The following TBXAS1 variants were observed in gnomAD, a reference collection of about 807,000 sequenced individuals.
TBXAS1 encodes thromboxane-A synthase.
In TBXAS1, 48 loss-of-function variants were observed where a neutral mutation model predicts 60.7. The observed-to-expected ratio is 0.79, with a 90% CI of 0.63 to 1.01. TBXAS1 has a LOEUF of 1.01. TBXAS1 is among the 50% of genes least tolerant of loss of function. The probability of loss-of-function intolerance (pLI) is 0.00; values close to 1 mark genes in which losing one functional copy is unlikely to be tolerated. For synonymous variants in TBXAS1, 287 were observed against 269.7 expected (o/e 1.06, Z -0.63); for missense variants, 685 against 686.3 (o/e 1.00, Z 0.02).
At chr7:139,987,920 C>G (rs891213305) in intron 9 of TBXAS1, among the ~76,000 whole-genome samples, 4 of 152,210 alleles carry the variant, frequency 2.6e-5, no homozygotes, top group Admixed American at 6.5e-5. Context: ...ATGCAGATCA[C>G]CAGTTCCACA....
At chr7:139,958,674 C>T (rs1810073084) in intron 8 of TBXAS1, among the ~76,000 whole-genome samples, 2 of 152,208 alleles carry the variant, frequency 1.3e-5, no homozygotes, top group South Asian at 4.1e-4. Flanking sequence ...ATACACCGAG[C>T]GGCCTTGGGC....
intron 12 of TBXAS1, among the ~76,000 whole-genome samples, chr7:140,018,965 C>T (rs1815317952): frequency 6.6e-6 from 1 of 152,204 alleles, no homozygotes. Context: ...CTCTGCACAG[C>T]GTTAGCTATT....
At chr7:139,967,475 G>T (rs1197622206) in intron 9 of TBXAS1, among the ~76,000 whole-genome samples, 1 of 152,198 alleles carries the variant, frequency 6.6e-6, no homozygotes, top group Non-Finnish European at 1.5e-5. Context: ...TGAGGATGGG[G>T]GTAGGAGAGA....
intron 3 of TBXAS1, among the ~76,000 whole-genome samples, chr7:139,907,894 T>C (rs946025520): frequency 1.3e-5 from 2 of 152,132 alleles, no homozygotes; most frequent in Admixed American, 6.5e-5. Flanking sequence ...TAATAGTTTG[T>C]AATTTTCATA....
chr7:139,949,118 C>T (rs908073124), intron 5 of TBXAS1, among the ~76,000 whole-genome samples: 4 of 152,128 alleles, frequency 2.6e-5, no homozygotes, highest in African/African-American at 9.7e-5. Flanking sequence ...GTAGAAGACC[C>T]GATGGTGGGC....
At chr7:139,928,987 G>T (rs1013800894) in intron 4 of TBXAS1, among the ~76,000 whole-genome samples, 1 of 152,194 alleles carries the variant, frequency 6.6e-6, no homozygotes, top group Non-Finnish European at 1.5e-5. Flanking sequence ...GAGAAAGGGG[G>T]TTGGAGAGGG....
chr7:139,956,924 T>C (rs1447124263), intron 7 of TBXAS1, among the ~76,000 whole-genome samples: 1 of 152,280 alleles, frequency 6.6e-6, no homozygotes, highest in African/African-American at 2.4e-5. Flanking sequence ...CATGTGTGTC[T>C]GGAGATGTTC....
intron 3 of TBXAS1, among the ~76,000 whole-genome samples, chr7:139,784,408 GA>G (rs1797117617): frequency 6.6e-6 from 1 of 152,082 alleles, no homozygotes; most frequent in Non-Finnish European, 1.5e-5. Context: ...CAAGTTCAAA[GA>G]AAAACCACCA....
intron 5 of TBXAS1, among the ~76,000 whole-genome samples, chr7:139,942,191 G>T (rs1476599941): frequency 1.3e-5 from 2 of 152,196 alleles, no homozygotes; most frequent in Non-Finnish European, 2.9e-5. Flanking sequence ...CAGGGAAAAG[G>T]ATTTGAAATA....
intron 4 of TBXAS1, among the ~76,000 whole-genome samples, chr7:139,931,333 G>A (rs1248394609): frequency 1.3e-5 from 2 of 152,176 alleles, no homozygotes; most frequent in Non-Finnish European, 2.9e-5. Context: ...TAGGCTGACA[G>A]ACAGGAGCCT....
chr7:140,007,317 T>C (rs1585046721), intron 10 of TBXAS1, 135 bp downstream of exon 10: 2 of 779,592 alleles, frequency 2.6e-6, no homozygotes, highest in East Asian at 5.3e-5. Flanking sequence ...CCTGGGTTCC[T>C]TTGTATCCCC....
upstream of TBXAS1, among the ~76,000 whole-genome samples, chr7:139,828,812 A>C (rs1247431438): frequency 2.0e-5 from 3 of 152,236 alleles, no homozygotes; most frequent in African/African-American, 7.2e-5. Context: ...CCTCAGACCC[A>C]GCAACTAATG....
rs140070292 is a variant in TBXAS1 at position 139,919,071 on chromosome 7, T to C, written c.333+7750T>C. 3.8e-3 allele frequency among the ~76,000 whole-genome samples: 579 copies of C among 152,312 alleles called. 4 individuals carry two copies. The highest frequency in any genetic ancestry group is 0.013 in the African/African-American group (547 of 41,548). The stretch of plus-strand genomic sequence containing the variant: ...AAGCCCTATTTGGTTCAAATCTTTG[T>C]ACAGCCAGATAGCAATAGATATAAA... On this transcript the variant is annotated intron_variant, in intron 4 of 12. Coordinates refer to ENST00000448866, the MANE Select transcript of TBXAS1 (RefSeq NM_001061.7).
intron 9 of TBXAS1, among the ~76,000 whole-genome samples, chr7:139,979,120 C>G (rs993758087): frequency 1.3e-5 from 2 of 152,104 alleles, no homozygotes; most frequent in Non-Finnish European, 2.9e-5. Flanking sequence ...GTTCCAGGAG[C>G]AGGTGCTTAT....
intron 4 of TBXAS1, among the ~76,000 whole-genome samples, chr7:139,928,515 T>C (rs1490194046): frequency 6.6e-6 from 1 of 152,248 alleles, no homozygotes; most frequent in Non-Finnish European, 1.5e-5. Flanking sequence ...CGTGACTCTG[T>C]GCACATTAAC....
intron 1 of TBXAS1, among the ~76,000 whole-genome samples, chr7:139,861,430 T>C (rs1244552144): frequency 6.6e-6 from 1 of 151,208 alleles, no homozygotes; most frequent in Non-Finnish European, 1.5e-5. Context: ...TTTTTTTTTT[T>C]TTTTTTTGGA....
intron 1 of TBXAS1, among the ~76,000 whole-genome samples, chr7:139,859,959 T>C (rs887632709): frequency 1.3e-5 from 2 of 152,062 alleles, no homozygotes; most frequent in African/African-American, 4.8e-5. Flanking sequence ...GCCAACATGG[T>C]AAAACCCTAC....
At chr7:139,845,139 T>A (rs1799713283) in intron 1 of TBXAS1, among the ~76,000 whole-genome samples, 1 of 152,186 alleles carries the variant, frequency 6.6e-6, no homozygotes, top group Admixed American at 6.5e-5. Flanking sequence ...ACTCCTTGGC[T>A]GGAAATAGCC....
intron 11 of TBXAS1, chr7:140,016,339 ATAAAT>A (rs972149513): frequency 3.1e-5 from 7 of 222,620 alleles, no homozygotes; most frequent in Non-Finnish European, 5.3e-5. Context: ...AAAAAAATAA[ATAAAT>A]TAAATAAAAA....
Sources: allele counts gnomAD v4.1 joint callset (sites outside exome capture counted in the v4.1 genomes callset), GRCh38; gene constraint gnomAD v4.1.1; transcripts MANE v1.5; gene names NCBI Gene and HGNC (gene_info 2026-07-23, HGNC 2026-07-21).